Variants in IL1RAPL1 observed in about 807,000 individuals in gnomAD.
The protein encoded by IL1RAPL1 is interleukin-1 receptor accessory protein-like 1.
A neutral mutation model predicts 48.4 loss-of-function variants in IL1RAPL1; 3 were observed. The observed-to-expected ratio is 0.06, with a 90% CI of 0.03 to 0.16. The LOEUF (loss-of-function observed/expected upper bound fraction) is 0.16. IL1RAPL1 is among the 10% of genes least tolerant of loss of function. IL1RAPL1 has a pLI of 1.00. For synonymous variants in IL1RAPL1, 185 were observed against 187.7 expected (o/e 0.99, Z 0.12); for missense variants, 349 against 530.6 (o/e 0.66, Z 3.36).
intron 6 of IL1RAPL1, among the ~76,000 whole-genome samples, chrX:29,839,767 T>C (rs150041438): frequency 0.031 from 3,412 of 110,668 alleles, 120 homozygotes; most frequent in African/African-American, 0.11. Context: ...ATATTTTTTT[T>C]AAAAATTAGC....
chrX:28,709,044 AAAAT>A lies in IL1RAPL1; in HGVS notation c.-24-80272_-24-80269del, dbSNP rs1218426132. On this transcript the variant is annotated intron_variant, in intron 1 of 10. Transcript: ENST00000378993. ...AAAAAAGTCCTTAAGGCAAGACTAA[AAAAT>A]AAAGACAGTGTAAGTCAGTCAGTCA... Among the ~76,000 whole-genome samples the A allele has an allele frequency of 6.2e-5, 7 of 112,315 alleles. No homozygotes were observed. The Admixed American group carries it at 6.6e-4, about 11-fold the overall frequency.
At chrX:29,618,771 C>T (rs1296948993) in intron 5 of IL1RAPL1, among the ~76,000 whole-genome samples, 1 of 111,799 alleles carries the variant, frequency 8.9e-6, no homozygotes, top group East Asian at 2.8e-4. Context: ...ACACAAATTC[C>T]AGGGATTAGG....
At position 28,848,748 on chromosome X, in the gene IL1RAPL1, A is replaced by G. The variant is rs978003092; in HGVS notation, c.82+59323A>G. ...GGTGTAGGAAGAAGACAGATATTCC[A>G]ACACAATCTGGAATAATTAGAAGGA... On this transcript the variant is annotated intron_variant, in intron 2 of 10. Transcript: ENST00000378993. Among the ~76,000 whole-genome samples the G allele has an allele frequency of 5.4e-5, 6 of 111,704 alleles. No individual in the cohort carries two copies. The East Asian group carries it at 1.7e-3, about 32-fold the overall frequency.
Position 28,601,456 on chromosome X carries a change from C to T in IL1RAPL1, c.-25+13409C>T, listed in dbSNP as rs892363018. ...AAACAAAACAAAACATACAAGCAAA[C>T]AAAAAATCTCTCAACTACCAAAAAA... is the stretch of plus-strand genomic sequence containing the variant. On this transcript the variant is annotated intron_variant, in intron 1 of 10. Transcript: ENST00000378993. Among the ~76,000 whole-genome samples, 5 of 110,590 alleles carry T rather than the reference C, an allele frequency of 4.5e-5. 1 individual carries two copies. The Admixed American group carries it at 4.8e-4, about 11-fold the overall frequency.
chrX:29,819,687 G>GA lies in IL1RAPL1; in HGVS notation c.779-97769dup, dbSNP rs1043719925. Among the ~76,000 whole-genome samples, 22 of 108,273 alleles carry GA rather than the reference G, an allele frequency of 2.0e-4. No individual in the cohort carries two copies. The South Asian group carries it at 3.6e-3, about 17-fold the overall frequency. The allele number at this position is 108,273 out of a possible 115,157, so 94.0% of individuals were successfully genotyped here. On this transcript the variant is annotated intron_variant, in intron 6 of 10. Transcript: ENST00000378993. ...TGAGATAAACTTATATTTCCGAAATGAAAAAAAAGCCATTATAATTAAGAC... is the reference window on the plus strand; with the variant it reads ...TGAGATAAACTTATATTTCCGAAATGAAAAAAAAAGCCATTATAATTAAGAC...
At chrX:29,186,210 G>A (rs947931035) in intron 2 of IL1RAPL1, among the ~76,000 whole-genome samples, 1 of 111,865 alleles carries the variant, frequency 8.9e-6, no homozygotes, top group African/African-American at 3.2e-5. Context: ...TTTTTAAACA[G>A]CTAGATACAT....
chrX:28,614,816 G>T (rs1277573236), intron 1 of IL1RAPL1, among the ~76,000 whole-genome samples: 5 of 111,765 alleles, frequency 4.5e-5, no homozygotes, highest in Non-Finnish European at 9.4e-5. Flanking sequence ...AGTACTAGAG[G>T]CCATTGCTTG....
chrX:29,530,399 A>G (rs1935600338), intron 5 of IL1RAPL1, among the ~76,000 whole-genome samples: 1 of 111,458 alleles, frequency 9.0e-6, no homozygotes. Context: ...TAAAGGGTTC[A>G]TTATTAACCA....
chrX:29,183,532 C>T (rs1173448070), intron 2 of IL1RAPL1, among the ~76,000 whole-genome samples: 1 of 111,389 alleles, frequency 9.0e-6, no homozygotes, highest in Non-Finnish European at 1.9e-5. Context: ...CCTTTTCAGT[C>T]ATCTCCCTCA....
At chrX:29,811,802 T>C (rs774151120) in intron 6 of IL1RAPL1, among the ~76,000 whole-genome samples, 2 of 112,395 alleles carry the variant, frequency 1.8e-5, no homozygotes, top group South Asian at 7.3e-4. Flanking sequence ...AAACTTGTTT[T>C]TCAAACATTG....
intron 6 of IL1RAPL1, among the ~76,000 whole-genome samples, chrX:29,745,431 GTTTTTTT>G (rs752527354): frequency 8.1e-5 from 2 of 24,738 alleles, no homozygotes; most frequent in African/African-American, 1.8e-4. Context: ...AGTTTTTTGT[GTTTTTTT>G]TTTTTTTTTT....
intron 1 of IL1RAPL1, among the ~76,000 whole-genome samples, chrX:28,656,871 A>G (rs754655802): frequency 9.2e-6 from 1 of 108,557 alleles, no homozygotes; most frequent in Admixed American, 9.8e-5. Flanking sequence ...CTAAAAATAC[A>G]AAAAATTAGC....
At chrX:29,179,094 CA>C (rs1202844979) in intron 2 of IL1RAPL1, among the ~76,000 whole-genome samples, 1 of 111,037 alleles carries the variant, frequency 9.0e-6, no homozygotes, top group African/African-American at 3.3e-5. Context: ...TTTTTGGTTC[CA>C]TATGAACTTT....
intron 2 of IL1RAPL1, among the ~76,000 whole-genome samples, chrX:29,170,785 T>C (rs1569251393): frequency 8.9e-6 from 1 of 111,783 alleles, no homozygotes; most frequent in Non-Finnish European, 1.9e-5. Flanking sequence ...ATATATTTTA[T>C]TTTTACTTGA....
chrX:29,239,457 C>T (rs1270661622), intron 2 of IL1RAPL1, among the ~76,000 whole-genome samples: 1 of 112,225 alleles, frequency 8.9e-6, no homozygotes, highest in African/African-American at 3.2e-5. Flanking sequence ...TTTATTGCTG[C>T]AGTTGTAAAT....
intron 5 of IL1RAPL1, among the ~76,000 whole-genome samples, chrX:29,421,544 A>G (rs12841771): frequency 9.0e-6 from 1 of 110,592 alleles, no homozygotes; most frequent in Non-Finnish European, 1.9e-5. Flanking sequence ...TAAGAGAGTA[A>G]CAGAAAAAAA....
intron 6 of IL1RAPL1, among the ~76,000 whole-genome samples, chrX:29,830,569 C>T (rs775992315): frequency 9.2e-6 from 1 of 109,144 alleles, no homozygotes; most frequent in South Asian, 4.0e-4. Context: ...CCTGCCTCAG[C>T]CTCCCAAGTA....
At chrX:28,949,682 A>G (rs1252941844) in intron 2 of IL1RAPL1, among the ~76,000 whole-genome samples, 1 of 109,560 alleles carries the variant, frequency 9.1e-6, no homozygotes, top group African/African-American at 3.3e-5. Context: ...CATTTCTCTG[A>G]TGGCCAGTGA....
At chrX:28,735,258 A>G (rs960251308) in intron 1 of IL1RAPL1, among the ~76,000 whole-genome samples, 1 of 110,739 alleles carries the variant, frequency 9.0e-6, no homozygotes, top group Non-Finnish European at 1.9e-5. Flanking sequence ...ATCACATACT[A>G]TGCCTTCTGG....
Sources: gnomAD v4.1 joint callset for allele counts (sites outside exome capture counted in the v4.1 genomes callset) on GRCh38, gnomAD v4.1.1 for gene constraint, MANE v1.5 for transcripts, NCBI Gene and HGNC (gene_info 2026-07-23, HGNC 2026-07-21) for gene names.